Variants in SLC9A9 observed in about 807,000 individuals in gnomAD.
The protein encoded by SLC9A9 is solute carrier family 9 member A9.
SLC9A9 carries 62 observed loss-of-function variants against 77.8 expected under a neutral mutation model. The observed-to-expected ratio is 0.80, with a 90% CI of 0.65 to 0.98. SLC9A9 has a LOEUF of 0.98. SLC9A9 is among the 50% of genes least tolerant of loss of function. SLC9A9 has a pLI of 0.00. For missense variants in SLC9A9, 775 were observed against 774.9 expected (o/e 1.00, Z 0.00); for synonymous variants, 320 against 283.5 (o/e 1.13, Z -1.29).
chr3:143,322,268 T>A (rs140431378), intron 14 of SLC9A9, among the ~76,000 whole-genome samples: 1 of 152,144 alleles, frequency 6.6e-6, no homozygotes, highest in Non-Finnish European at 1.5e-5. Context: ...AGATGACCAT[T>A]ATAATGTGGG....
At position 143,293,248 on chromosome 3, in the gene SLC9A9, C is replaced by G. The variant is rs530346921; in HGVS notation, c.1605-24268G>C. On this transcript the variant is annotated intron_variant, in intron 14 of 15. Coordinates refer to ENST00000316549, the MANE Select transcript of SLC9A9 (RefSeq NM_173653.4). The stretch of plus-strand genomic sequence containing the variant: ...AGCTGCCCCGGTTTTCAGTGACTTT[C>G]AATGACCTACTTGTATGCATTGGTT... Among the ~76,000 whole-genome samples the G allele has an allele frequency of 4.5e-4, 69 of 152,330 alleles. 1 individual carries two copies. Among genetic ancestry groups the G allele is most frequent in the Middle Eastern group, 3.4e-3 (1 of 294 alleles).
chr3:143,376,132 G>A (rs555020003), intron 13 of SLC9A9, among the ~76,000 whole-genome samples: 97 of 152,126 alleles, frequency 6.4e-4, no homozygotes, highest in Non-Finnish European at 1.0e-3. Context: ...CCTAGACAAC[G>A]GGCCCATACT....
intron 11 of SLC9A9, among the ~76,000 whole-genome samples, chr3:143,482,062 G>T (rs1294304174): frequency 1.3e-5 from 2 of 152,188 alleles, no homozygotes; most frequent in African/African-American, 4.8e-5. Flanking sequence ...CACCTTGGCA[G>T]GGGCTCTTAA....
intron 14 of SLC9A9, among the ~76,000 whole-genome samples, chr3:143,356,506 A>G (rs994779562): frequency 1.3e-5 from 2 of 152,180 alleles, no homozygotes; most frequent in Non-Finnish European, 2.9e-5. Context: ...GGAGTCCAGG[A>G]AGAAGCTGAT....
intron 4 of SLC9A9, among the ~76,000 whole-genome samples, chr3:143,773,167 C>T (rs374460948): frequency 8.2e-4 from 124 of 152,132 alleles, no homozygotes; most frequent in African/African-American, 2.6e-3. Flanking sequence ...TGGTGCTAAA[C>T]GTTTAATAAG....
At chr3:143,412,945 G>A (rs1559904781) in intron 12 of SLC9A9, among the ~76,000 whole-genome samples, 2 of 152,178 alleles carry the variant, frequency 1.3e-5, no homozygotes, top group South Asian at 4.1e-4. Flanking sequence ...CTTACTCTAG[G>A]TGGGAGAAAG....
chr3:143,777,860 A>T (rs1396765121), intron 4 of SLC9A9, among the ~76,000 whole-genome samples: 4 of 151,592 alleles, frequency 2.6e-5, no homozygotes, highest in Non-Finnish European at 4.4e-5. Flanking sequence ...GATTACAGGC[A>T]CATGCCACCA....
At chr3:143,455,135 A>G (rs1389313398) in intron 12 of SLC9A9, among the ~76,000 whole-genome samples, 3 of 152,210 alleles carry the variant, frequency 2.0e-5, no homozygotes, top group East Asian at 3.8e-4. Context: ...TCTACCAACC[A>G]CAGATAGACA....
chr3:143,807,404 A>G (rs1389492492), intron 2 of SLC9A9, among the ~76,000 whole-genome samples: 1 of 152,282 alleles, frequency 6.6e-6, no homozygotes, highest in Non-Finnish European at 1.5e-5. Flanking sequence ...GGCAAAGGCC[A>G]TAGTGTGGGG....
At chr3:143,629,264 G>A (rs1205423864) in intron 6 of SLC9A9, among the ~76,000 whole-genome samples, 6 of 152,172 alleles carry the variant, frequency 3.9e-5, no homozygotes, top group Admixed American at 3.9e-4. Flanking sequence ...GACTCAACAA[G>A]TACATACTGA....
At chr3:143,288,350 G>T (rs904701330) in intron 14 of SLC9A9, among the ~76,000 whole-genome samples, 1 of 151,864 alleles carries the variant, frequency 6.6e-6, no homozygotes, top group Admixed American at 6.6e-5. Context: ...GTATAAATAC[G>T]CAGCTCAGGT....
At chr3:143,759,653 CG>C (rs2007049351) in intron 4 of SLC9A9, among the ~76,000 whole-genome samples, 1 of 151,368 alleles carries the variant, frequency 6.6e-6, no homozygotes, top group African/African-American at 2.4e-5. Flanking sequence ...GAAATACCCC[CG>C]TTTTTTTCAA....
At chr3:143,479,833 C>G (rs1273358778) in intron 11 of SLC9A9, among the ~76,000 whole-genome samples, 1 of 152,206 alleles carries the variant, frequency 6.6e-6, no homozygotes, top group Non-Finnish European at 1.5e-5. Context: ...ATAAAACTCT[C>G]AGTCTCTGAT....
At chr3:143,321,367 T>C (rs1875462) in intron 14 of SLC9A9, among the ~76,000 whole-genome samples, 35,327 of 152,078 alleles carry the variant, frequency 0.23, 4,346 homozygotes, top group Middle Eastern at 0.34. Flanking sequence ...GGGACGGAAA[T>C]AGGTAGAATT....
At chr3:143,774,643 T>C (rs993512772) in intron 4 of SLC9A9, among the ~76,000 whole-genome samples, 2 of 152,328 alleles carry the variant, frequency 1.3e-5, no homozygotes, top group South Asian at 2.1e-4. Context: ...GTGTATCATA[T>C]ACTATAACTT....
At chr3:143,798,512 C>T (rs898035945) in intron 2 of SLC9A9, among the ~76,000 whole-genome samples, 2 of 152,178 alleles carry the variant, frequency 1.3e-5, no homozygotes, top group African/African-American at 4.8e-5. Flanking sequence ...TATAGGCAAG[C>T]TTCCACCCTC....
intron 5 of SLC9A9, among the ~76,000 whole-genome samples, chr3:143,655,017 C>T (rs1278188315): frequency 1.3e-5 from 2 of 152,202 alleles, no homozygotes; most frequent in Non-Finnish European, 2.9e-5. Flanking sequence ...TTACTTTGCA[C>T]ATTCTTGTCT....
chr3:143,483,091 C>T (rs2108582521), intron 11 of SLC9A9, among the ~76,000 whole-genome samples: 1 of 152,356 alleles, frequency 6.6e-6, no homozygotes. Flanking sequence ...ACACCCAGAT[C>T]AGAATTTGCA....
At position 143,266,683 on chromosome 3, in the gene SLC9A9, T is replaced by C. The variant is rs1002622448; in HGVS notation, c.*19A>G. 4.3e-6 allele frequency: 7 copies of C among 1,613,256 alleles called. No individual in the cohort carries two copies. The highest frequency in any genetic ancestry group is 5.9e-6 in the Non-Finnish European group (7 of 1,179,202). On this transcript the variant is annotated 3_prime_UTR_variant, in exon 16 of 16. Coordinates refer to ENST00000316549, the MANE Select transcript of SLC9A9 (RefSeq NM_173653.4). ...GAGTCTTGCATTACTTGTGATTACA[T>C]CTGTACTCTTCATGCCAATTAATTC...
Sources: allele counts gnomAD v4.1 joint callset (sites outside exome capture counted in the v4.1 genomes callset), GRCh38; gene constraint gnomAD v4.1.1; transcripts MANE v1.5; gene names NCBI Gene and HGNC (gene_info 2026-07-23, HGNC 2026-07-21).